The following UBE2R2 variants were observed in gnomAD, a reference collection of about 807,000 sequenced individuals.
The protein encoded by UBE2R2 is ubiquitin-conjugating enzyme E2 R2.
In UBE2R2, 1 loss-of-function variant was observed where a neutral mutation model predicts 27.8. The observed-to-expected ratio is 0.04, with a 90% CI of 0.01 to 0.17. The LOEUF is 0.17. Among genes scored for constraint, UBE2R2 ranks in the 10% least tolerant of loss-of-function variants. UBE2R2 has a pLI of 1.00. For missense variants in UBE2R2, 100 were observed against 291.0 expected, an observed-to-expected ratio of 0.34 and a Z score of 4.78; for synonymous variants, 106 against 113.3, an observed-to-expected ratio of 0.94 and a Z score of 0.41.
chr9:33,835,770 C>A (rs539686578), intron 1 of UBE2R2, among the ~76,000 whole-genome samples: 20 of 151,626 alleles, frequency 1.3e-4, no homozygotes, highest in Non-Finnish European at 2.8e-4. Context: ...GTAGTCCCAA[C>A]TACTCAGGAG....
intron 2 of UBE2R2, among the ~76,000 whole-genome samples, chr9:33,889,287 G>C (rs926160990): frequency 2.0e-5 from 3 of 152,192 alleles, no homozygotes; most frequent in Non-Finnish European, 4.4e-5. Context: ...CAGCACATTT[G>C]GTCTGTTGAG....
intron 4 of UBE2R2, among the ~76,000 whole-genome samples, chr9:33,915,933 G>A (rs893553703): frequency 1.3e-5 from 2 of 152,176 alleles, no homozygotes; most frequent in African/African-American, 4.8e-5. Flanking sequence ...GAAGGAGCCA[G>A]GCATGTGTGG....
chr9:33,868,796 T>G (rs1821419483), intron 1 of UBE2R2: 1 of 152,162 alleles, frequency 6.6e-6, no homozygotes, highest in Non-Finnish European at 1.5e-5. Context: ...GGGAATATCC[T>G]CATTTCACAC....
At chr9:33,870,091 C>T (rs908280196) in intron 1 of UBE2R2, among the ~76,000 whole-genome samples, 6 of 152,100 alleles carry the variant, frequency 3.9e-5, no homozygotes, top group Admixed American at 3.3e-4. Context: ...GTGATCCACC[C>T]GCCTTGGCCT....
intron 1 of UBE2R2, among the ~76,000 whole-genome samples, chr9:33,822,313 A>G (rs1425159901): frequency 6.7e-6 from 1 of 149,762 alleles, no homozygotes; most frequent in Non-Finnish European, 1.5e-5. Context: ...CTGGTCTCAA[A>G]CTCCTGACCT....
intron 1 of UBE2R2, among the ~76,000 whole-genome samples, chr9:33,879,144 G>T (rs1291656039): frequency 6.6e-6 from 1 of 152,140 alleles, no homozygotes; most frequent in Non-Finnish European, 1.5e-5. Context: ...GCTGGGGCAG[G>T]ATCGCTTGAG....
intron 1 of UBE2R2, among the ~76,000 whole-genome samples, chr9:33,839,178 G>A (rs1448363902): frequency 1.3e-5 from 2 of 152,142 alleles, no homozygotes; most frequent in Non-Finnish European, 2.9e-5. Context: ...AGGAGGTCTG[G>A]CTTTTGGGAG....
chr9:33,853,711 A>G (rs1405516082), intron 1 of UBE2R2, among the ~76,000 whole-genome samples: 1 of 150,802 alleles, frequency 6.6e-6, no homozygotes, highest in Non-Finnish European at 1.5e-5. Flanking sequence ...CACAGTCCTC[A>G]GTTTTATGGC....
intron 1 of UBE2R2, among the ~76,000 whole-genome samples, chr9:33,867,735 C>T (rs1382705463): frequency 2.0e-5 from 3 of 152,170 alleles, no homozygotes; most frequent in Non-Finnish European, 4.4e-5. Context: ...CCTGGGTACA[C>T]GCCATTCTCC....
chr9:33,873,538 C>G (rs923228360), intron 1 of UBE2R2, among the ~76,000 whole-genome samples: 1 of 152,180 alleles, frequency 6.6e-6, no homozygotes, highest in Non-Finnish European at 1.5e-5. Context: ...GTGACCTAAA[C>G]ATAAGACTCC....
intron 1 of UBE2R2, among the ~76,000 whole-genome samples, chr9:33,851,375 T>C (rs1246549445): frequency 6.6e-6 from 1 of 152,186 alleles, no homozygotes; most frequent in Non-Finnish European, 1.5e-5. Context: ...CCATTTAGTT[T>C]TGTCAGTTAT....
chr9:33,815,732 A>G (rs1825739822), upstream of UBE2R2, among the ~76,000 whole-genome samples: 1 of 152,240 alleles, frequency 6.6e-6, no homozygotes, highest in Non-Finnish European at 1.5e-5. Context: ...CAACAGAGTA[A>G]GACCCTGTCT....
Position 33,883,713 on chromosome 9 carries a change from CA to C in UBE2R2, c.178-3150del, listed in dbSNP as rs1158414910. On this transcript the variant is annotated intron_variant, in intron 1 of 4. Coordinates refer to ENST00000263228, the MANE Select transcript of UBE2R2 (RefSeq NM_017811.4). Reference sequence around the variant, plus strand: ...CTGGTGACAGAGCAAGACTCTGTCTCAAAAAAAAAAAAAAAAAAGAAATAAA... The same window carrying C: ...CTGGTGACAGAGCAAGACTCTGTCTCAAAAAAAAAAAAAAAAAGAAATAAA... Among the ~76,000 whole-genome samples, 403 of 75,188 alleles carry C rather than the reference CA, an allele frequency of 5.4e-3. 1 individual carries two copies. In the Middle Eastern group the frequency reaches 0.061, roughly 11 times the overall value. 49.3% of individuals were successfully genotyped at this position (75,188 alleles called of 152,430 possible).
intron 1 of UBE2R2, among the ~76,000 whole-genome samples, chr9:33,858,575 G>GT (rs1821157300): frequency 6.6e-6 from 1 of 151,876 alleles, no homozygotes; most frequent in South Asian, 2.1e-4. Context: ...CTGGCTTTTT[G>GT]TATTTTGCTA....
At chr9:33,913,230 A>T (rs1489229312) in intron 4 of UBE2R2, among the ~76,000 whole-genome samples, 1 of 152,048 alleles carries the variant, frequency 6.6e-6, no homozygotes, top group Non-Finnish European at 1.5e-5. Flanking sequence ...AAGTGCTGGA[A>T]TTACAGGCGT....
Position 33,917,537 on chromosome 9 carries a change from A to G in UBE2R2, c.*300A>G. 1.9e-6 allele frequency: 1 copy of G among 533,302 alleles called. No homozygotes were observed. The highest frequency in any genetic ancestry group is 3.3e-6 in the Non-Finnish European group (1 of 305,716). The allele number at this position is 533,302 out of a possible 1,614,324, so 33.0% of individuals were successfully genotyped here. ...CTCCCGCCTCACTTCGTCTCTACAG[A>G]ATGTTCACAGCAAAACACGTTTGGT... is the stretch of plus-strand genomic sequence containing the variant. On this transcript the variant is annotated 3_prime_UTR_variant, in exon 5 of 5. Transcript: ENST00000263228.
Position 33,919,656 on chromosome 9 carries a change from A to C in UBE2R2, c.*2419A>C, listed in dbSNP as rs980093614. 1 of 152,220 alleles carries C rather than the reference A, an allele frequency of 6.6e-6. No individual in the cohort carries two copies. The highest frequency in any genetic ancestry group is 2.4e-5 in the African/African-American group (1 of 41,454). The allele number at this position is 152,220 out of a possible 1,614,324, so 9.4% of individuals were successfully genotyped here. ...TCTGGTATTTTAGACTGACTGAACGAAACCCAGAGGCTGGTTCCAGAGCTC... is the reference window on the plus strand; with the variant it reads ...TCTGGTATTTTAGACTGACTGAACGCAACCCAGAGGCTGGTTCCAGAGCTC... On this transcript the variant is annotated 3_prime_UTR_variant, in exon 5 of 5. Transcript: ENST00000263228.
rs148895871 is a variant in UBE2R2, at chr9:33,920,169, CAACT to C, written c.*2935_*2938del. On this transcript the variant is annotated 3_prime_UTR_variant, in exon 5 of 5. Coordinates refer to ENST00000263228, the MANE Select transcript of UBE2R2 (RefSeq NM_017811.4). ...ATAAAACAAACAAGGTTTACATTTA[CAACT>C]AAAAGGATTCAGATGCAATTTTCAA... 0.031 allele frequency: 4,692 copies of C among 152,642 alleles called. 147 individuals are homozygous for C. Among genetic ancestry groups the C allele is most frequent in the East Asian group, 0.089 (461 of 5,172 alleles). The allele number at this position is 152,642 out of a possible 1,614,324, so 9.5% of individuals were successfully genotyped here. A position where few individuals can be genotyped will look rare whatever the true frequency, so the allele number is the denominator to read the frequency against.
rs1273912368 is a variant in UBE2R2 at position 33,919,522 on chromosome 9, G to C, written c.*2285G>C. On this transcript the variant is annotated 3_prime_UTR_variant, in exon 5 of 5. Coordinates refer to ENST00000263228, the MANE Select transcript of UBE2R2 (RefSeq NM_017811.4). ...GGAGCCGGAGCGCCAAGTGGAGGTT[G>C]TACCTTTCAGCCCTTTGGGGTGTTA... The C allele has an allele frequency of 1.3e-5, 2 of 152,270 alleles. No individual in the cohort carries two copies. The highest frequency in any genetic ancestry group is 4.8e-5 in the African/African-American group (2 of 41,450). The allele number at this position is 152,270 out of a possible 1,614,324, so 9.4% of individuals were successfully genotyped here. A position where few individuals can be genotyped will look rare whatever the true frequency, so the allele number is the denominator to read the frequency against.
Sources: allele counts gnomAD v4.1 joint callset (sites outside exome capture counted in the v4.1 genomes callset), GRCh38; gene constraint gnomAD v4.1.1; transcripts MANE v1.5; gene names NCBI Gene and HGNC (gene_info 2026-07-23, HGNC 2026-07-21).